Variants in GLCCI1 observed in about 807,000 individuals in gnomAD.
GLCCI1 encodes the protein glucocorticoid-induced transcript 1 protein.
Under a neutral mutation model 52.2 loss-of-function variants are expected in GLCCI1, and 24 were observed. The observed-to-expected ratio is 0.46, with a 90% CI of 0.33 to 0.65. The LOEUF (loss-of-function observed/expected upper bound fraction) is 0.65. Among genes scored for constraint, GLCCI1 ranks in the 30% least tolerant of loss-of-function variants. GLCCI1 has a pLI of 0.02. For synonymous variants in GLCCI1, 310 were observed against 276.5 expected (o/e 1.12, Z -1.20); for missense variants, 704 against 701.5 (o/e 1.00, Z -0.04).
intron 3 of GLCCI1, among the ~76,000 whole-genome samples, chr7:8,027,471 G>A (rs1327889337): frequency 6.6e-6 from 1 of 152,070 alleles, no homozygotes; most frequent in Non-Finnish European, 1.5e-5. Context: ...CTGGGTAACA[G>A]AGTGAAACCC....
At position 8,071,088 on chromosome 7, in the gene GLCCI1, T is replaced by C; in HGVS notation, c.1134T>C (p.Gly378=). The change falls in exon 6 of 8, where the codon GGT becomes GGC. Residue 378 remains glycine (G), a synonymous_variant. Coordinates refer to ENST00000223145, the MANE Select transcript of GLCCI1 (RefSeq NM_138426.4). ...SPFCPPESQD[G]SPCSTEDLLY... The stretch of plus-strand genomic sequence containing the variant: ...TTTGTCCCCCGGAATCCCAGGATGG[T>C]AGCCCTTGCTCAACAGAAGATTTGC... 1 of 1,614,206 alleles carries C rather than the reference T, an allele frequency of 6.2e-7. No individual in the cohort carries two copies. Among genetic ancestry groups the C allele is most frequent in the Non-Finnish European group, 8.5e-7 (1 of 1,180,016 alleles).
At chr7:8,065,245 G>T (rs1331599212) in intron 5 of GLCCI1, among the ~76,000 whole-genome samples, 1 of 152,092 alleles carries the variant, frequency 6.6e-6, no homozygotes, top group African/African-American at 2.4e-5. Context: ...ACTGATTTTT[G>T]TATGTTTTGT....
intron 1 of GLCCI1, among the ~76,000 whole-genome samples, chr7:7,974,380 C>T (rs763712151): frequency 3.9e-5 from 6 of 152,082 alleles, no homozygotes; most frequent in Non-Finnish European, 7.4e-5. Flanking sequence ...CAGTTTTTAA[C>T]TGTATGTAAA....
intron 2 of GLCCI1, among the ~76,000 whole-genome samples, chr7:8,007,672 G>A (rs543255514): frequency 6.6e-6 from 1 of 152,310 alleles, no homozygotes; most frequent in Admixed American, 6.5e-5. Flanking sequence ...GGACATTGGT[G>A]GAAGGAAGGT....
intron 1 of GLCCI1, among the ~76,000 whole-genome samples, chr7:7,995,459 G>A (rs1269285169): frequency 2.6e-5 from 4 of 152,172 alleles, no homozygotes; most frequent in African/African-American, 4.8e-5. Context: ...GCAGTGAGCC[G>A]AGATCGTGCC....
intron 5 of GLCCI1, among the ~76,000 whole-genome samples, chr7:8,061,469 G>T (rs11978165): frequency 6.6e-6 from 1 of 151,858 alleles, no homozygotes; most frequent in East Asian, 1.9e-4. Context: ...TTTAAAATTG[G>T]CAGTGAAATT....
intron 3 of GLCCI1, among the ~76,000 whole-genome samples, chr7:8,028,484 G>A (rs192375872): frequency 6.6e-6 from 1 of 152,222 alleles, no homozygotes; most frequent in African/African-American, 2.4e-5. Context: ...GAAATTTATA[G>A]CTGTAAGTGC....
At chr7:8,056,805 A>G (rs944917463) in intron 4 of GLCCI1, among the ~76,000 whole-genome samples, 1 of 152,226 alleles carries the variant, frequency 6.6e-6, no homozygotes, top group Non-Finnish European at 1.5e-5. Flanking sequence ...TCATAATGTG[A>G]CTAACTGCAA....
chr7:7,979,978 C>T (rs1266836440), intron 1 of GLCCI1, among the ~76,000 whole-genome samples: 1 of 152,142 alleles, frequency 6.6e-6, no homozygotes, highest in East Asian at 1.9e-4. Flanking sequence ...CTGTGTCACC[C>T]AGGCTGAAGC....
chr7:8,085,135 A>C (rs1783076843), intron 7 of GLCCI1, 118 bp downstream of exon 7: 2 of 1,124,666 alleles, frequency 1.8e-6, no homozygotes. Context: ...TTCAAGAGCA[A>C]ATTATGTAAA....
Position 8,060,243 on chromosome 7 carries a change from T to A in GLCCI1, c.961T>A (p.Ser321Thr). The A allele has an allele frequency of 6.2e-7, 1 of 1,609,282 alleles. No homozygotes were observed. Among genetic ancestry groups the A allele is most frequent in the Non-Finnish European group, 8.5e-7 (1 of 1,176,042 alleles). ...AGAAAATAATGGGAAGGAAGAAGTATCCAAGGTAAGGTTACATGGGATATT... is the reference window on the plus strand; with the variant it reads ...AGAAAATAATGGGAAGGAAGAAGTAACCAAGGTAAGGTTACATGGGATATT... ...IKENNGKEEV[S>T]KPLDIPDGRR... Residue 321 changes from serine to threonine, a missense_variant, in exon 5 of 8, where the codon TCC becomes ACC. Transcript: ENST00000223145.
chr7:7,969,599 G>A lies in GLCCI1; in HGVS notation c.249G>A (p.Pro83=), dbSNP rs928301269. ...LRGSQHSPTR[P]PVAAAAASLG... ...GCAGCCAGCACAGTCCCACGCGTCCGCCCGTCGCCGCTGCCGCCGCCTCGC... is the reference window on the plus strand; with the variant it reads ...GCAGCCAGCACAGTCCCACGCGTCCACCCGTCGCCGCTGCCGCCGCCTCGC... Residue 83 remains proline, a synonymous_variant, in exon 1 of 8, where the codon CCG becomes CCA. Coordinates refer to ENST00000223145, the MANE Select transcript of GLCCI1 (RefSeq NM_138426.4). The surrounding 1 kb of genome is among the most constrained non-coding windows in gnomAD (Gnocchi z 4.9). 38 of 1,031,092 alleles carry A rather than the reference G, an allele frequency of 3.7e-5. No homozygotes were observed. Among genetic ancestry groups the A allele is most frequent in the Admixed American group, 2.1e-4 (4 of 19,084 alleles). The allele number at this position is 1,031,092 out of a possible 1,614,324, so 63.9% of individuals were successfully genotyped here. A position where few individuals can be genotyped will look rare whatever the true frequency, so the allele number is the denominator to read the frequency against.
At chr7:8,002,348 A>C (rs900760003) in intron 1 of GLCCI1, among the ~76,000 whole-genome samples, 2 of 152,130 alleles carry the variant, frequency 1.3e-5, no homozygotes, top group African/African-American at 4.8e-5. Context: ...TAATTCATGA[A>C]ACGTTTATAA....
intron 3 of GLCCI1, among the ~76,000 whole-genome samples, chr7:8,046,487 A>G (rs1407049795): frequency 1.3e-5 from 2 of 152,200 alleles, no homozygotes; most frequent in African/African-American, 2.4e-5. Context: ...TTTACAGTCT[A>G]TTCTCTCTGA....
chr7:8,086,198 G>C lies in GLCCI1; in HGVS notation c.1304G>C (p.Arg435Pro), dbSNP rs199991040. 1 of 1,608,992 alleles carries C rather than the reference G, an allele frequency of 6.2e-7. No individual in the cohort carries two copies. Among genetic ancestry groups the C allele is most frequent in the South Asian group, 1.1e-5 (1 of 90,212 alleles). The change falls in exon 8 of 8, where the codon CGT becomes CCT. Residue 435 changes from arginine to proline, a missense_variant. By Grantham distance (103) the Arg-to-Pro change is moderately radical (BLOSUM62 -2). Coordinates refer to ENST00000223145, the MANE Select transcript of GLCCI1 (RefSeq NM_138426.4). This position sits in a 1 kb window ranked among gnomAD's most constrained non-coding sequence, Gnocchi z 4.4. ...ATTTTGTTTTATGGTTTTAGGTCTC[G>C]TCAGCCTATCTCGGCCCCTCTCTTT... ...RVKVFEEMASRQPISAPLFSC... is the reference protein window; with the variant it reads ...RVKVFEEMASPQPISAPLFSC...
chr7:8,058,845 C>T (rs1409811608), intron 4 of GLCCI1, among the ~76,000 whole-genome samples: 1 of 152,122 alleles, frequency 6.6e-6, no homozygotes, highest in Non-Finnish European at 1.5e-5. Flanking sequence ...CGTACTGTTG[C>T]ACAGAAGCCT....
At chr7:7,970,780 G>T (rs1780335568) in intron 1 of GLCCI1, among the ~76,000 whole-genome samples, 2 of 152,170 alleles carry the variant, frequency 1.3e-5, no homozygotes, top group African/African-American at 4.8e-5. Context: ...AGCTCATAAG[G>T]GAGAGTGGAA....
intron 1 of GLCCI1, among the ~76,000 whole-genome samples, chr7:7,995,053 T>C (rs981639475): frequency 6.6e-6 from 1 of 152,244 alleles, no homozygotes; most frequent in Admixed American, 6.5e-5. Flanking sequence ...TTTCTGTATG[T>C]ATGGACATCA....
At chr7:8,055,790 C>G (rs1782378739) in intron 4 of GLCCI1, 1 of 291,756 alleles carries the variant, frequency 3.4e-6, no homozygotes, top group African/African-American at 2.2e-5. Context: ...GAGATCAAGA[C>G]CATCCTGGCT....
Sources: gnomAD v4.1 joint callset for allele counts (sites outside exome capture counted in the v4.1 genomes callset) on GRCh38, gnomAD v4.1.1 for gene constraint, Gnocchi (gnomAD v3.1) non-coding constraint, MANE v1.5 for transcripts, NCBI Gene and HGNC (gene_info 2026-07-23, HGNC 2026-07-21) for gene names.